The following COL13A1 variants were observed in gnomAD, a reference collection of about 807,000 sequenced individuals.
COL13A1 encodes the protein collagen type XIII alpha 1 chain.
Under a neutral mutation model 130.9 loss-of-function variants are expected in COL13A1, and 89 were observed. The ratio of observed to expected loss-of-function variants is 0.68; its 90% confidence interval spans 0.57 to 0.81. The LOEUF (loss-of-function observed/expected upper bound fraction) is 0.81, where lower values mean the gene tolerates loss of function less well. Ranked by LOEUF, COL13A1 falls within the 30% of genes least tolerant of loss-of-function variation. The pLI is 0.00. For missense variants in COL13A1, 879 were observed against 934.6 expected, an observed-to-expected ratio of 0.94 and a Z score of 0.78; for synonymous variants, 402 against 341.6, an observed-to-expected ratio of 1.18 and a Z score of -1.95.
intron 2 of COL13A1, chr10:69,829,392 C>A: frequency 2.2e-6 from 1 of 445,118 alleles, no homozygotes; most frequent in Non-Finnish European, 3.0e-6. Context: ...GTTACCTGCT[C>A]TGACCCCCCT....
intron 1 of COL13A1, among the ~76,000 whole-genome samples, chr10:69,815,982 C>T (rs12777389): frequency 0.011 from 1,659 of 151,712 alleles, 13 homozygotes; most frequent in Middle Eastern, 0.017. Flanking sequence ...GAAGGCCTAA[C>T]AGCAAGCCAG....
At chr10:69,898,184 C>T (rs546424174) in intron 13 of COL13A1, among the ~76,000 whole-genome samples, 1 of 152,330 alleles carries the variant, frequency 6.6e-6, no homozygotes, top group Admixed American at 6.5e-5. Context: ...ACCCACCAGC[C>T]GCACACCAGC....
chr10:69,935,337 CT>C lies in COL13A1; in HGVS notation c.1729-10del. The C allele has an allele frequency of 6.3e-7, 1 of 1,576,460 alleles. No individual in the cohort carries two copies. Among genetic ancestry groups the C allele is most frequent in the Non-Finnish European group, 8.6e-7 (1 of 1,159,774 alleles). The stretch of plus-strand genomic sequence containing the variant: ...CCACTTCAAATGTAACAGGGCTCCC[CT>C]TTGGCTTTTAGGTTCCTGGGCTGCC... On this transcript the variant is annotated splice_polypyrimidine_tract_variant and intron_variant, in intron 31 of 40. Transcript: ENST00000645393.
At chr10:69,828,419 T>C (rs1362186528) in intron 2 of COL13A1, among the ~76,000 whole-genome samples, 1 of 152,094 alleles carries the variant, frequency 6.6e-6, no homozygotes, top group Non-Finnish European at 1.5e-5. Context: ...TTCTGTCAAC[T>C]CCACTCCTCT....
At chr10:69,944,421 C>CG (rs2068132570) in intron 36 of COL13A1, among the ~76,000 whole-genome samples, 4 of 152,108 alleles carry the variant, frequency 2.6e-5, no homozygotes, top group Non-Finnish European at 5.9e-5. Flanking sequence ...TCTGGGAGGC[C>CG]AGGTTGGGAG....
At position 69,952,463 on chromosome 10, in the gene COL13A1, CA is replaced by C. The variant is rs1477677318; in HGVS notation, c.2059-415del. On this transcript the variant is annotated intron_variant, in intron 38 of 40. Coordinates refer to ENST00000645393, the MANE Select transcript of COL13A1 (RefSeq NM_001368882.1). ...ATCACCTTGCCTCCTAATAGAATGT[CA>C]AAAGGATAAACATTAATTGGGGAAA... 2.0e-5 allele frequency among the ~76,000 whole-genome samples: 3 copies of C among 152,194 alleles called. No homozygotes were observed. The East Asian group carries it at 5.8e-4, about 29-fold the overall frequency.
chr10:69,888,424 C>G, intron 9 of COL13A1, 94 bp downstream of exon 9: 1 of 1,520,376 alleles, frequency 6.6e-7, no homozygotes, highest in Non-Finnish European at 8.9e-7. Context: ...AAATGCTTTA[C>G]TTAGAAAGAA....
chr10:69,922,148 C>T (rs1468277325), intron 22 of COL13A1, among the ~76,000 whole-genome samples: 1 of 151,984 alleles, frequency 6.6e-6, no homozygotes, highest in Non-Finnish European at 1.5e-5. Flanking sequence ...GTAAAGAATT[C>T]GGTAGTGATG....
At chr10:69,943,517 T>A (rs1397010629) in intron 35 of COL13A1, among the ~76,000 whole-genome samples, 1 of 151,988 alleles carries the variant, frequency 6.6e-6, no homozygotes, top group East Asian at 1.9e-4. Flanking sequence ...ATGACACGCC[T>A]CCCTGCCAGG....
chr10:69,928,411 G>A (rs2763337), intron 27 of COL13A1, among the ~76,000 whole-genome samples: 103,959 of 152,036 alleles, frequency 0.68, 35,843 homozygotes, highest in African/African-American at 0.77. Context: ...TGTAGATTAG[G>A]TGTGTCTTTT....
intron 17 of COL13A1, among the ~76,000 whole-genome samples, chr10:69,913,002 G>T (rs1219003172): frequency 6.6e-6 from 1 of 152,158 alleles, no homozygotes; most frequent in Non-Finnish European, 1.5e-5. Context: ...TGCCCAGCTG[G>T]GGAGTCTGAG....
intron 17 of COL13A1, among the ~76,000 whole-genome samples, chr10:69,907,681 A>G (rs1215211151): frequency 1.3e-5 from 2 of 151,686 alleles, no homozygotes; most frequent in Admixed American, 1.3e-4. Context: ...CACAATAACT[A>G]ACCCACTCTC....
In COL13A1 at chr10:69,921,909, G is replaced by T; in HGVS notation, c.1117G>T (p.Gly373Trp). Residue 373 changes from glycine to tryptophan, a missense_variant, in exon 22 of 41, where the codon GGG becomes TGG. This residue lies in a region of COL13A1 where 715 missense variants were observed against 721.0 expected (regional missense o/e 0.99). Transcript: ENST00000645393. ...TGAGAAGGGGGCTGAAGGCTCCCCT[G>T]GGCTTCCTGGCCTCCTGGGGCAGAA... ...RGEKGAEGSPGLPGLLGQKGE... is the reference protein window; with the variant it reads ...RGEKGAEGSPWLPGLLGQKGE... The T allele has an allele frequency of 6.2e-7, 1 of 1,607,426 alleles. No individual in the cohort carries two copies. Among genetic ancestry groups the T allele is most frequent in the Non-Finnish European group, 8.5e-7 (1 of 1,177,218 alleles).
At chr10:69,920,074 G>C (rs1301273970) in intron 21 of COL13A1, among the ~76,000 whole-genome samples, 1 of 152,176 alleles carries the variant, frequency 6.6e-6, no homozygotes, top group South Asian at 2.1e-4. Flanking sequence ...GCCCAGGCAG[G>C]ACAGGGCAGC....
chr10:69,836,852 G>A (rs917074770), intron 2 of COL13A1, among the ~76,000 whole-genome samples: 9 of 152,164 alleles, frequency 5.9e-5, no homozygotes, highest in Non-Finnish European at 1.2e-4. Flanking sequence ...GGGAGGAAAT[G>A]CCTGCCACAG....
intron 2 of COL13A1, among the ~76,000 whole-genome samples, chr10:69,826,706 A>G (rs1847580697): frequency 6.6e-6 from 1 of 152,200 alleles, no homozygotes; most frequent in Admixed American, 6.5e-5. Flanking sequence ...TGGTGTCCAC[A>G]TAGACACCAT....
At chr10:69,822,002 C>T (rs1345524252) in intron 1 of COL13A1, among the ~76,000 whole-genome samples, 3 of 152,188 alleles carry the variant, frequency 2.0e-5, no homozygotes, top group Non-Finnish European at 2.9e-5. Context: ...GCCCAGGGGT[C>T]CATCAGGAGC....
chr10:69,888,799 A>T (rs938427612), intron 9 of COL13A1, among the ~76,000 whole-genome samples: 1 of 152,004 alleles, frequency 6.6e-6, no homozygotes, highest in African/African-American at 2.4e-5. Flanking sequence ...ACTGCTTCCC[A>T]CCATAGCTCC....
chr10:69,922,001 C>T, intron 22 of COL13A1, 66 bp downstream of exon 22: 1 of 1,525,244 alleles, frequency 6.6e-7, no homozygotes, highest in Non-Finnish European at 8.9e-7. Context: ...TGGCCCTGCA[C>T]ATCCACACAG....
Sources: gnomAD v4.1 joint callset for allele counts (sites outside exome capture counted in the v4.1 genomes callset) on GRCh38, gnomAD v4.1.1 for gene constraint, gnomAD v4.1.1 regional missense constraint, MANE v1.5 for transcripts, NCBI Gene and HGNC (gene_info 2026-07-23, HGNC 2026-07-21) for gene names.